The following STIM1 variants were observed in gnomAD, a reference collection of about 807,000 sequenced individuals.
STIM1 encodes stromal interaction molecule 1.
STIM1 carries 25 observed loss-of-function variants against 74.7 expected under a neutral mutation model. That is an observed-to-expected ratio of 0.33 (90% confidence interval 0.24 to 0.47). The LOEUF is 0.47. STIM1 is among the 20% of genes least tolerant of loss of function. STIM1 has a pLI of 1.00. For synonymous variants in STIM1, 328 were observed against 348.8 expected (o/e 0.94, Z 0.66); for missense variants, 728 against 920.8 (o/e 0.79, Z 2.71).
intron 2 of STIM1, among the ~76,000 whole-genome samples, chr11:3,975,565 T>A (rs548046744): frequency 1.3e-5 from 2 of 151,660 alleles, no homozygotes; most frequent in Non-Finnish European, 1.5e-5. Context: ...TTGCAGTGAG[T>A]GGAGATCGCA....
At chr11:3,897,386 T>A (rs1211828456) in intron 1 of STIM1, among the ~76,000 whole-genome samples, 1 of 152,240 alleles carries the variant, frequency 6.6e-6, no homozygotes, top group Non-Finnish European at 1.5e-5. Context: ...GAGAAGATGA[T>A]GTAATTTTAG....
chr11:4,029,437 A>C (rs887541038), intron 3 of STIM1, among the ~76,000 whole-genome samples: 5 of 151,816 alleles, frequency 3.3e-5, no homozygotes, highest in Admixed American at 3.3e-4. Flanking sequence ...CATTTTCTCC[A>C]TGTCTGCACG....
intron 1 of STIM1, among the ~76,000 whole-genome samples, chr11:3,857,804 A>T (rs1269229099): frequency 1.3e-5 from 2 of 152,158 alleles, no homozygotes; most frequent in Admixed American, 6.5e-5. Flanking sequence ...TAGACCCTTT[A>T]TTGGGCAATA....
At chr11:3,941,087 A>T (rs1225935522) in intron 1 of STIM1, among the ~76,000 whole-genome samples, 1 of 152,188 alleles carries the variant, frequency 6.6e-6, no homozygotes, top group Non-Finnish European at 1.5e-5. Context: ...TGAGGTAACA[A>T]ATATAAAGTG....
Position 3,913,517 on chromosome 11 carries a change from A to C in STIM1, c.140-54035A>C, listed in dbSNP as rs530450708. 4.6e-5 allele frequency among the ~76,000 whole-genome samples: 7 copies of C among 152,246 alleles called. No individual in the cohort carries two copies. In the South Asian group the frequency reaches 1.5e-3, roughly 32 times the overall value. Reference sequence around the variant, plus strand: ...TTGCTTCTTGCTGCTGTTCATGGGTATCTCTTAGTCACACTATGCACCGGG... The same window carrying C: ...TTGCTTCTTGCTGCTGTTCATGGGTCTCTCTTAGTCACACTATGCACCGGG... On this transcript the variant is annotated intron_variant, in intron 1 of 12. Transcript: ENST00000526596.
At chr11:3,861,850 CT>C (rs900607907) in intron 1 of STIM1, among the ~76,000 whole-genome samples, 3 of 152,100 alleles carry the variant, frequency 2.0e-5, no homozygotes, top group African/African-American at 4.8e-5. Context: ...GTGATGAGAT[CT>C]TGTGGAGGGG....
rs1313776483 is a variant in STIM1 at position 4,091,320 on chromosome 11, T to G, written c.1673T>G (p.Met558Arg). ...TCCGATTCGGAGTCCTCCCTCCACA[T>G]GAGTGACCGCCAGCGTGTGGCCCCC... ...THSDSESSLH[M>R]SDRQRVAPKP... The change falls in exon 13 of 13, where the codon ATG becomes AGG. Residue 558 changes from methionine to arginine, a missense_variant. Around this residue, in one of 5 missense-constraint regions of STIM1, gnomAD observed 352 missense variants for 370.1 expected, o/e 0.95. Coordinates refer to ENST00000526596, the MANE Select transcript of STIM1 (RefSeq NM_001382567.1). 5.0e-6 allele frequency: 8 copies of G among 1,614,094 alleles called. No homozygotes were observed. Among genetic ancestry groups the G allele is most frequent in the Middle Eastern group, 1.6e-4 (1 of 6,084 alleles).
intron 1 of STIM1, among the ~76,000 whole-genome samples, chr11:3,958,140 A>T (rs760865634): frequency 2.6e-5 from 4 of 152,210 alleles, no homozygotes; most frequent in Non-Finnish European, 5.9e-5. Context: ...CTGGAATTAC[A>T]GGCTTGAGCC....
chr11:3,887,254 A>G (rs921210351), intron 1 of STIM1, among the ~76,000 whole-genome samples: 3 of 152,156 alleles, frequency 2.0e-5, no homozygotes, highest in African/African-American at 7.2e-5. Context: ...TCTTGTCCTT[A>G]TACTTCCTTC....
chr11:3,923,191 C>T (rs2092741983), intron 1 of STIM1, among the ~76,000 whole-genome samples: 2 of 151,956 alleles, frequency 1.3e-5, no homozygotes, highest in Admixed American at 6.5e-5. Flanking sequence ...TATTGTTTCA[C>T]CTTTCCCGTT....
intron 1 of STIM1, among the ~76,000 whole-genome samples, chr11:3,937,232 A>G (rs925197950): frequency 2.0e-5 from 3 of 151,784 alleles, no homozygotes; most frequent in African/African-American, 7.3e-5. Context: ...CAGAAGTTGC[A>G]GTGAGCCGAG....
At chr11:3,972,982 T>C (rs2093411208) in intron 2 of STIM1, 1 of 512,366 alleles carries the variant, frequency 2.0e-6, no homozygotes, top group Non-Finnish European at 3.9e-6. Context: ...ACCTCCAAAA[T>C]TGCTTTCACT....
chr11:4,001,741 A>G (rs923631557), intron 2 of STIM1, among the ~76,000 whole-genome samples: 5 of 150,970 alleles, frequency 3.3e-5, no homozygotes, highest in African/African-American at 7.3e-5. Context: ...TAACAATATT[A>G]ACTTTAAATG....
chr11:4,021,416 G>A (rs543798193), intron 2 of STIM1, among the ~76,000 whole-genome samples: 132 of 152,270 alleles, frequency 8.7e-4, no homozygotes, highest in African/African-American at 2.9e-3. Context: ...ATGAGCCACC[G>A]TGCCCGGCCC....
At chr11:3,966,968 A>G (rs898744492) in intron 1 of STIM1, among the ~76,000 whole-genome samples, 1 of 152,220 alleles carries the variant, frequency 6.6e-6, no homozygotes, top group Non-Finnish European at 1.5e-5. Flanking sequence ...TCTAAAAAAT[A>G]TTTGCCTGAT....
chr11:3,858,273 AG>A (rs547572493), intron 1 of STIM1, among the ~76,000 whole-genome samples: 2 of 151,418 alleles, frequency 1.3e-5, no homozygotes, highest in African/African-American at 4.8e-5. Flanking sequence ...CTGAAGTAAA[AG>A]GCATTCTAGC....
chr11:4,022,328 C>A (rs1214088438), intron 2 of STIM1, among the ~76,000 whole-genome samples: 1 of 100,824 alleles, frequency 9.9e-6, no homozygotes, highest in African/African-American at 3.3e-5. Flanking sequence ...AGAATAAGAA[C>A]CTGTCTCAAA....
chr11:3,935,669 G>A (rs2092923283), intron 1 of STIM1, among the ~76,000 whole-genome samples: 1 of 152,222 alleles, frequency 6.6e-6, no homozygotes, highest in Non-Finnish European at 1.5e-5. Context: ...TTTTCCCAGT[G>A]TTAAATGCAA....
chr11:4,030,656 C>A (rs2094042412), intron 3 of STIM1, among the ~76,000 whole-genome samples: 2 of 152,122 alleles, frequency 1.3e-5, no homozygotes, highest in Non-Finnish European at 1.5e-5. Flanking sequence ...TACATTCTTT[C>A]AGATAATTTT....
Sources: gnomAD v4.1 joint callset for allele counts (sites outside exome capture counted in the v4.1 genomes callset) on GRCh38, gnomAD v4.1.1 for gene constraint, gnomAD v4.1.1 regional missense constraint, MANE v1.5 for transcripts, NCBI Gene and HGNC (gene_info 2026-07-23, HGNC 2026-07-21) for gene names.